The following UBXN7 variants were observed in gnomAD, a reference collection of about 807,000 sequenced individuals.
UBXN7 encodes UBX domain-containing protein 7.
In UBXN7, 9 loss-of-function variants were observed where a neutral mutation model predicts 58.0. The observed-to-expected ratio is 0.16, with a 90% CI of 0.09 to 0.27. The LOEUF (loss-of-function observed/expected upper bound fraction) is 0.27. Ranked by LOEUF, UBXN7 falls within the 10% of genes least tolerant of loss-of-function variation. The probability of loss-of-function intolerance (pLI) is 1.00; values close to 1 mark genes in which losing one functional copy is unlikely to be tolerated. For synonymous variants in UBXN7, 208 were observed against 205.0 expected (o/e 1.01, Z -0.12); for missense variants, 328 against 599.6 (o/e 0.55, Z 4.73).
chr3:196,397,995 A>T (rs1342818451), intron 3 of UBXN7, among the ~76,000 whole-genome samples: 1 of 152,104 alleles, frequency 6.6e-6, no homozygotes, highest in Non-Finnish European at 1.5e-5. Context: ...AGTATTGATA[A>T]CCTGTGGGTG....
intron 2 of UBXN7, among the ~76,000 whole-genome samples, chr3:196,405,246 T>G (rs547299451): frequency 2.0e-5 from 3 of 151,904 alleles, no homozygotes; most frequent in Admixed American, 1.3e-4. Flanking sequence ...CCGAGGTAGG[T>G]GGATCACGAG....
At chr3:196,392,831 A>G (rs1729630506) in intron 4 of UBXN7, among the ~76,000 whole-genome samples, 1 of 152,144 alleles carries the variant, frequency 6.6e-6, no homozygotes, top group Non-Finnish European at 1.5e-5. Flanking sequence ...TAAAAAAAAG[A>G]TTATGACAGT....
intron 5 of UBXN7, among the ~76,000 whole-genome samples, chr3:196,384,042 T>C (rs1472385864): frequency 6.6e-6 from 1 of 152,122 alleles, no homozygotes; most frequent in Non-Finnish European, 1.5e-5. Context: ...ACAAAATTGA[T>C]AGACCACTAG....
chr3:196,409,503 A>G (rs1730258726), intron 1 of UBXN7, among the ~76,000 whole-genome samples: 1 of 152,018 alleles, frequency 6.6e-6, no homozygotes, highest in Non-Finnish European at 1.5e-5. Flanking sequence ...AGAATTCTGA[A>G]GCCTGGGTTG....
chr3:196,402,803 G>T, intron 3 of UBXN7, 149 bp downstream of exon 3: 1 of 871,490 alleles, frequency 1.1e-6, no homozygotes, highest in Non-Finnish European at 1.7e-6. Context: ...TGAGTCAACT[G>T]TGCAACTTTC....
chr3:196,397,226 A>T (rs1303741801), intron 3 of UBXN7, among the ~76,000 whole-genome samples: 5 of 152,208 alleles, frequency 3.3e-5, no homozygotes, highest in Non-Finnish European at 2.9e-5. Flanking sequence ...ACTGAAGCCA[A>T]AGAGACTAAG....
rs547613301 is a variant in UBXN7 at position 196,392,603 on chromosome 3, G to A, written c.356-678C>T. Among the ~76,000 whole-genome samples the A allele has an allele frequency of 1.5e-4, 23 of 151,902 alleles. 1 individual carries two copies. The South Asian group carries it at 4.4e-3, about 29-fold the overall frequency. ...GGATCACCTGAGGTCAGGAGTTCAA[G>A]GCCAGCCTGGGCAACATGGTGAAAC... On this transcript the variant is annotated intron_variant, in intron 4 of 10. Coordinates refer to ENST00000296328, the MANE Select transcript of UBXN7 (RefSeq NM_015562.2).
chr3:196,385,168 G>T (rs961371777), intron 5 of UBXN7, among the ~76,000 whole-genome samples: 1 of 152,188 alleles, frequency 6.6e-6, no homozygotes, highest in African/African-American at 2.4e-5. Context: ...ACGCCTGACT[G>T]GTTTTCGTAT....
At chr3:196,397,839 T>C (rs147894133) in intron 3 of UBXN7, 1 of 152,326 alleles carries the variant, frequency 6.6e-6, no homozygotes, top group Non-Finnish European at 1.5e-5. Flanking sequence ...AGTACACCAA[T>C]ACTTAACCAA....
intron 5 of UBXN7, among the ~76,000 whole-genome samples, chr3:196,391,046 CAAG>C (rs1043065109): frequency 6.6e-6 from 1 of 151,980 alleles, no homozygotes; most frequent in African/African-American, 2.4e-5. Flanking sequence ...ACGATAAAAC[CAAG>C]AAGAACTGAG....
At chr3:196,377,749 C>G (rs1729077249) in intron 5 of UBXN7, among the ~76,000 whole-genome samples, 1 of 152,150 alleles carries the variant, frequency 6.6e-6, no homozygotes, top group Non-Finnish European at 1.5e-5. Flanking sequence ...TCACTGCAGC[C>G]TCAACCTCCT....
rs1482394801 is a variant in UBXN7, at chr3:196,347,860, A to T, written c.*8825T>A. ...CCCTCCCCCACCCCATTGTCCCCCCACCCTCCCCGTTTCAAGTTGCAGTAT... is the reference window on the plus strand; with the variant it reads ...CCCTCCCCCACCCCATTGTCCCCCCTCCCTCCCCGTTTCAAGTTGCAGTAT... On this transcript the variant is annotated 3_prime_UTR_variant, in exon 11 of 11. Transcript: ENST00000296328. The T allele has an allele frequency of 5.7e-5, 1 of 17,594 alleles. No individual in the cohort carries two copies. Among genetic ancestry groups the T allele is most frequent in the Non-Finnish European group, 1.1e-4 (1 of 8,750 alleles). 1.1% of individuals were successfully genotyped at this position (17,594 alleles called of 1,614,324 possible).
At chr3:196,391,332 G>A (rs1729576569) in intron 5 of UBXN7, among the ~76,000 whole-genome samples, 1 of 152,094 alleles carries the variant, frequency 6.6e-6, no homozygotes, top group South Asian at 2.1e-4. Flanking sequence ...ATTGCTGGTA[G>A]AAATATAAAT....
intron 1 of UBXN7, among the ~76,000 whole-genome samples, chr3:196,419,587 A>T (rs1406113022): frequency 6.6e-6 from 1 of 152,208 alleles, no homozygotes; most frequent in Non-Finnish European, 1.5e-5. Context: ...TCATTTCAGA[A>T]ACAGGAGCTA....
At chr3:196,419,238 CTG>C (rs1730599335) in intron 1 of UBXN7, among the ~76,000 whole-genome samples, 1 of 152,114 alleles carries the variant, frequency 6.6e-6, no homozygotes, top group Non-Finnish European at 1.5e-5. Context: ...GATCACGCCA[CTG>C]CACTGCACTC....
chr3:196,371,346 T>C (rs546985407), intron 6 of UBXN7, among the ~76,000 whole-genome samples: 5 of 152,350 alleles, frequency 3.3e-5, no homozygotes, highest in African/African-American at 9.6e-5. Context: ...ATTAGTTATA[T>C]AGATATATTG....
At chr3:196,367,003 C>T (rs1728690106) in intron 8 of UBXN7, among the ~76,000 whole-genome samples, 1 of 151,960 alleles carries the variant, frequency 6.6e-6, no homozygotes, top group South Asian at 2.1e-4. Context: ...CCCAACAAGG[C>T]GAAACCCCAT....
chr3:196,366,904 C>T (rs765468356), intron 8 of UBXN7, among the ~76,000 whole-genome samples: 2 of 151,924 alleles, frequency 1.3e-5, no homozygotes, highest in African/African-American at 2.4e-5. Context: ...AAAAACAGGA[C>T]GGGCGCGTTA....
chr3:196,385,480 G>A (rs1048534231), intron 5 of UBXN7, among the ~76,000 whole-genome samples: 2 of 151,896 alleles, frequency 1.3e-5, no homozygotes, highest in Non-Finnish European at 2.9e-5. Context: ...TAGGAAGTGA[G>A]GAGCGTCTCT....
Sources: gnomAD v4.1 joint callset for allele counts (sites outside exome capture counted in the v4.1 genomes callset) on GRCh38, gnomAD v4.1.1 for gene constraint, MANE v1.5 for transcripts, NCBI Gene and HGNC (gene_info 2026-07-23, HGNC 2026-07-21) for gene names.